The following GAS7 variants were observed in gnomAD, a reference collection of about 807,000 sequenced individuals.
GAS7 encodes growth arrest specific 7.
GAS7 carries 28 observed loss-of-function variants against 71.1 expected under a neutral mutation model. The observed-to-expected ratio is 0.39, with a 90% CI of 0.29 to 0.54. The LOEUF is 0.54. GAS7 is among the 20% of genes least tolerant of loss of function. The pLI is 0.62. For synonymous variants in GAS7, 258 were observed against 245.8 expected, an observed-to-expected ratio of 1.05 and a Z score of -0.46; for missense variants, 436 against 627.8, an observed-to-expected ratio of 0.69 and a Z score of 3.27.
chr17:10,051,269 C>G (rs1300512429), intron 1 of GAS7, among the ~76,000 whole-genome samples: 1 of 152,240 alleles, frequency 6.6e-6, no homozygotes, highest in Non-Finnish European at 1.5e-5. Flanking sequence ...AAGCCATCAA[C>G]TGAGGTCACC....
intron 2 of GAS7, among the ~76,000 whole-genome samples, chr17:9,982,134 G>C (rs1255199000): frequency 6.6e-6 from 1 of 152,080 alleles, no homozygotes; most frequent in East Asian, 1.9e-4. Context: ...TCTTGATGAG[G>C]CTGGGGCCAG....
chr17:9,937,305 G>C (rs2068435888), intron 8 of GAS7, among the ~76,000 whole-genome samples: 1 of 152,226 alleles, frequency 6.6e-6, no homozygotes, highest in Non-Finnish European at 1.5e-5. Context: ...CTCGGGTGAG[G>C]AGCATATGCT....
intron 1 of GAS7, among the ~76,000 whole-genome samples, chr17:10,175,139 C>T (rs1222630190): frequency 2.0e-5 from 3 of 151,892 alleles, no homozygotes; most frequent in African/African-American, 4.8e-5. Context: ...AGCCACCACG[C>T]GCGGCCTGGA....
chr17:10,002,015 T>C (rs1033470261), intron 2 of GAS7, among the ~76,000 whole-genome samples: 1 of 152,160 alleles, frequency 6.6e-6, no homozygotes, highest in Admixed American at 6.5e-5. Context: ...GTTTACAGCA[T>C]CCTAGCGGAC....
In GAS7 at chr17:9,959,236, G is replaced by A. The variant is rs769894533; in HGVS notation, c.491C>T (p.Pro164Leu). Residue 164 changes from proline (P) to leucine (L), a missense_variant, in exon 5 of 14, where the codon CCA (proline) becomes CTA (leucine). Pro to Leu is a moderately conservative substitution (Grantham distance 98). Transcript: ENST00000432992. This position sits in a 1 kb window ranked among gnomAD's most constrained non-coding sequence, Gnocchi z 5.0. ...GTTTTCCTTGCTCTGCTTTTTGCTT[G>A]GCGATGAGGATCCCAGGTTCTGGGG... ...GDSQNLGSSS[P>L]SKKQSKENTI... is the part of the protein sequence containing the mutation. The A allele has an allele frequency of 1.2e-6, 2 of 1,613,968 alleles. No homozygotes were observed. Among genetic ancestry groups the A allele is most frequent in the Non-Finnish European group, 1.7e-6 (2 of 1,180,010 alleles).
At chr17:10,042,856 G>A (rs565196111) in intron 1 of GAS7, among the ~76,000 whole-genome samples, 2 of 152,342 alleles carry the variant, frequency 1.3e-5, no homozygotes, top group African/African-American at 4.8e-5. Context: ...GAGAGACAGC[G>A]AAGTTGATTC....
intron 1 of GAS7, among the ~76,000 whole-genome samples, chr17:10,088,804 T>A (rs1289055924): frequency 2.6e-5 from 4 of 151,920 alleles, no homozygotes; most frequent in Non-Finnish European, 4.4e-5. Context: ...AGGGAAAAGC[T>A]AGGAGGAGAG....
At chr17:10,056,484 G>A (rs1355455316) in intron 1 of GAS7, among the ~76,000 whole-genome samples, 1 of 151,826 alleles carries the variant, frequency 6.6e-6, no homozygotes, top group East Asian at 1.9e-4. Context: ...AACAGAGTGA[G>A]ACTCTGACTC....
chr17:10,099,975 G>A (rs935611356), intron 1 of GAS7, among the ~76,000 whole-genome samples: 22 of 152,164 alleles, frequency 1.4e-4, no homozygotes, highest in African/African-American at 4.3e-4. Flanking sequence ...TAGCTTCTTA[G>A]ACCAGTTCCC....
intron 1 of GAS7, among the ~76,000 whole-genome samples, chr17:10,097,551 C>A (rs558720129): frequency 6.6e-6 from 1 of 152,302 alleles, no homozygotes; most frequent in South Asian, 2.1e-4. Context: ...AGGGCACAAG[C>A]ACAAAGCCCT....
chr17:10,003,061 C>T (rs902405959), intron 2 of GAS7, among the ~76,000 whole-genome samples: 1 of 152,196 alleles, frequency 6.6e-6, no homozygotes, highest in Non-Finnish European at 1.5e-5. Flanking sequence ...CAGGCACTGG[C>T]GAATTAGAAC....
Position 10,101,341 on chromosome 17 carries a change from A to G in GAS7, c.184-81444T>C, listed in dbSNP as rs2073696648. On this transcript the variant is annotated intron_variant, in intron 1 of 13. Transcript: ENST00000432992. Reference sequence around the variant, plus strand: ...TTTCTTGCCACATGCGTCTCTCCCTAGGACAGCCAACCAGCAAGCAGGCAA... The same window carrying G: ...TTTCTTGCCACATGCGTCTCTCCCTGGGACAGCCAACCAGCAAGCAGGCAA... 2.6e-5 allele frequency among the ~76,000 whole-genome samples: 4 copies of G among 152,332 alleles called. No homozygotes were observed. The South Asian group carries it at 8.3e-4, about 32-fold the overall frequency.
chr17:9,937,497 A>G (rs1477687416), intron 8 of GAS7, among the ~76,000 whole-genome samples: 2 of 152,230 alleles, frequency 1.3e-5, no homozygotes, highest in Non-Finnish European at 2.9e-5. Context: ...GGCCCCGTGC[A>G]TGGAGCAGAA....
At position 9,959,504 on chromosome 17, in the gene GAS7, C is replaced by G; in HGVS notation, c.472-249G>C. On this transcript the variant is annotated intron_variant, in intron 4 of 13. Transcript: ENST00000432992. The surrounding 1 kb of genome is among the most constrained non-coding windows in gnomAD (Gnocchi z 5.0). The stretch of plus-strand genomic sequence containing the variant: ...CAGGCTCTGAGAGAACTGCTCCAAA[C>G]CAGGTCTCCCCTCCTCTTCTCTCAG... The G allele has an allele frequency of 1.5e-6, 2 of 1,317,130 alleles. No homozygotes were observed. The highest frequency in any genetic ancestry group is 2.0e-6 in the Non-Finnish European group (2 of 1,013,550). The allele number at this position is 1,317,130 out of a possible 1,614,324, so 81.6% of individuals were successfully genotyped here. A position where few individuals can be genotyped will look rare whatever the true frequency, so the allele number is the denominator to read the frequency against.
At chr17:9,940,238 AG>A in intron 7 of GAS7, 38 bp from the exon 8 acceptor site, 1 of 1,539,438 alleles carries the variant, frequency 6.5e-7, no homozygotes, top group African/African-American at 1.4e-5. Context: ...TCAGCTCTCC[AG>A]TGCCAGATCG....
At chr17:10,195,345 G>C (rs545847611) in intron 1 of GAS7, among the ~76,000 whole-genome samples, 1 of 152,266 alleles carries the variant, frequency 6.6e-6, no homozygotes, top group Admixed American at 6.5e-5. Context: ...GGTTCCCCTT[G>C]CTTCATCTGA....
chr17:10,181,336 G>A (rs1416224555), intron 1 of GAS7, among the ~76,000 whole-genome samples: 1 of 150,120 alleles, frequency 6.7e-6, no homozygotes, highest in East Asian at 2.0e-4. Context: ...CTCCAGCCTG[G>A]GTGACAGAGC....
chr17:10,069,245 G>C (rs2073315277), intron 1 of GAS7, among the ~76,000 whole-genome samples: 1 of 152,178 alleles, frequency 6.6e-6, no homozygotes, highest in Admixed American at 6.5e-5. Flanking sequence ...TCTGCACCAT[G>C]TCCGTGGAAT....
At chr17:10,160,714 G>A (rs530429270) in intron 1 of GAS7, among the ~76,000 whole-genome samples, 2 of 152,234 alleles carry the variant, frequency 1.3e-5, no homozygotes, top group South Asian at 4.1e-4. Flanking sequence ...TTTGCTTGTC[G>A]TTTATTTCAG....
Sources: allele counts gnomAD v4.1 joint callset (sites outside exome capture counted in the v4.1 genomes callset), GRCh38; gene constraint gnomAD v4.1.1; non-coding constraint Gnocchi (gnomAD v3.1); transcripts MANE v1.5; gene names NCBI Gene and HGNC (gene_info 2026-07-23, HGNC 2026-07-21).